The following AGBL1 variants were observed in gnomAD, a reference collection of about 807,000 sequenced individuals.
AGBL1 encodes cytosolic carboxypeptidase 4.
Under a neutral mutation model 118.9 loss-of-function variants are expected in AGBL1, and 130 were observed. The observed-to-expected ratio is 1.09, with a 90% CI of 0.95 to 1.26. The LOEUF (loss-of-function observed/expected upper bound fraction) is 1.26. Among genes scored for constraint, AGBL1 ranks in the 50% most tolerant of loss-of-function variants. AGBL1 has a pLI of 0.00. For missense variants in AGBL1, 1,584 were observed against 1,298.1 expected (o/e 1.22, Z -3.38); for synonymous variants, 555 against 478.9 (o/e 1.16, Z -2.08).
chr15:87,019,188 C>T (rs1478867314), intron 24 of AGBL1, among the ~76,000 whole-genome samples: 2 of 152,040 alleles, frequency 1.3e-5, no homozygotes, highest in Admixed American at 6.6e-5. Flanking sequence ...TTCAACACTC[C>T]ATGGACGTTA....
At position 86,171,568 on chromosome 15, in the gene AGBL1, GAA is replaced by G. The variant is rs556453924; in HGVS notation, c.488+12546_488+12547del. On this transcript the variant is annotated intron_variant, in intron 5 of 22. Coordinates refer to ENST00000614907, the MANE Select transcript of AGBL1 (RefSeq NM_001386094.1). ...TCATCCAAAAGAAGCCAGGAAAAGA[GAA>G]AAAGGTAGTTGAAGGACAGGTGTCA... Among the ~76,000 whole-genome samples, 460 of 152,156 alleles carry G rather than the reference GAA, an allele frequency of 3.0e-3. 2 individuals carry two copies. The highest frequency in any genetic ancestry group is 6.8e-3 in the Middle Eastern group (2 of 294).
chr15:86,960,631 A>G (rs1373406880), intron 23 of AGBL1, among the ~76,000 whole-genome samples: 1 of 152,016 alleles, frequency 6.6e-6, no homozygotes, highest in East Asian at 1.9e-4. Flanking sequence ...ATCCCCCCCA[A>G]AAAGAAAGAA....
chr15:86,554,528 C>T lies in AGBL1; in HGVS notation c.2985C>T (p.Gly995=), dbSNP rs1254026618. The change falls in exon 21 of 23, where the codon GGC becomes GGT. Residue 995 remains glycine (G), a synonymous_variant. Coordinates refer to ENST00000614907, the MANE Select transcript of AGBL1 (RefSeq NM_001386094.1). ...GCAGCTACTGTGGCTGCAACCAGGGCCCTTATCAGGTATGTGAGGCTGCAG... is the reference window on the plus strand; with the variant it reads ...GCAGCTACTGTGGCTGCAACCAGGGTCCTTATCAGGTATGTGAGGCTGCAG... ...MESSYCGCNQ[G]PYQGLQFGTR... 6.5e-7 allele frequency: 1 copy of T among 1,531,102 alleles called. No individual in the cohort carries two copies. The highest frequency in any genetic ancestry group is 8.8e-7 in the Non-Finnish European group (1 of 1,142,004). The allele number at this position is 1,531,102 out of a possible 1,614,324, so 94.8% of individuals were successfully genotyped here.
intron 22 of AGBL1, among the ~76,000 whole-genome samples, chr15:86,745,247 C>A (rs1418063319): frequency 6.6e-6 from 1 of 151,846 alleles, no homozygotes; most frequent in Non-Finnish European, 1.5e-5. Context: ...GGGCATTGTG[C>A]CCAATCTTTC....
chr15:86,766,928 T>G (rs1370407779), intron 22 of AGBL1, among the ~76,000 whole-genome samples: 1 of 151,928 alleles, frequency 6.6e-6, no homozygotes, highest in Non-Finnish European at 1.5e-5. Context: ...AAAATCTGGC[T>G]GGCTGGAATA....
At chr15:86,472,453 C>T (rs1288093545) in intron 18 of AGBL1, among the ~76,000 whole-genome samples, 1 of 152,136 alleles carries the variant, frequency 6.6e-6, no homozygotes, top group Non-Finnish European at 1.5e-5. Context: ...GTGCTCTAGT[C>T]ACAGTGGTAG....
chr15:87,015,577 T>G (rs1481055008), intron 24 of AGBL1, among the ~76,000 whole-genome samples: 6 of 152,170 alleles, frequency 3.9e-5, no homozygotes, highest in Non-Finnish European at 8.8e-5. Flanking sequence ...GAGTTATATA[T>G]ACAACATGAT....
chr15:86,187,027 G>A (rs934500954), intron 5 of AGBL1, among the ~76,000 whole-genome samples: 36 of 152,198 alleles, frequency 2.4e-4, no homozygotes, highest in South Asian at 6.2e-4. Flanking sequence ...TTATACTAAC[G>A]TTATAGCAAA....
At chr15:86,166,232 T>G (rs2077339710) in intron 5 of AGBL1, among the ~76,000 whole-genome samples, 1 of 152,196 alleles carries the variant, frequency 6.6e-6, no homozygotes, top group Non-Finnish European at 1.5e-5. Flanking sequence ...CAACATTCTA[T>G]GTGCCTGTCT....
intron 21 of AGBL1, among the ~76,000 whole-genome samples, chr15:86,599,385 G>C (rs2084460686): frequency 6.6e-6 from 1 of 151,800 alleles, no homozygotes; most frequent in Non-Finnish European, 1.5e-5. Flanking sequence ...CATTGAACAT[G>C]TTAACCATGC....
At chr15:86,674,139 GTGAC>G in intron 21 of AGBL1, 130 bp from the exon 22 acceptor site, 1 of 886,544 alleles carries the variant, frequency 1.1e-6, no homozygotes, top group South Asian at 1.7e-5. Context: ...GTAATGGACA[GTGAC>G]TGACAAATAC....
At chr15:86,461,301 A>G (rs1352702445) in intron 18 of AGBL1, among the ~76,000 whole-genome samples, 1 of 152,158 alleles carries the variant, frequency 6.6e-6, no homozygotes, top group African/African-American at 2.4e-5. Context: ...TGCTTTAGGT[A>G]TAGAATCCAT....
chr15:86,329,885 C>G (rs1416862469), intron 17 of AGBL1, among the ~76,000 whole-genome samples: 1 of 151,020 alleles, frequency 6.6e-6, no homozygotes, highest in Non-Finnish European at 1.5e-5. Flanking sequence ...CTTCTTTGCT[C>G]CATGCCCAGG....
At chr15:86,597,289 T>C (rs2084425600) in intron 21 of AGBL1, among the ~76,000 whole-genome samples, 1 of 152,190 alleles carries the variant, frequency 6.6e-6, no homozygotes, top group Non-Finnish European at 1.5e-5. Context: ...TTAAAAGCTT[T>C]GGAAAAAGTA....
rs1372668312 is a variant in AGBL1, at chr15:86,256,843, C to G, written c.736-10C>G. On this transcript the variant is annotated splice_polypyrimidine_tract_variant and intron_variant, in intron 7 of 22. Coordinates refer to ENST00000614907, the MANE Select transcript of AGBL1 (RefSeq NM_001386094.1). ...ATGTTGGCATCTGATATAATCTTCCCTTTGCTCAGAACTGCCTGGATGACA... is the reference window on the plus strand; with the variant it reads ...ATGTTGGCATCTGATATAATCTTCCGTTTGCTCAGAACTGCCTGGATGACA... 1.2e-6 allele frequency: 2 copies of G among 1,613,520 alleles called. No individual in the cohort carries two copies. Among genetic ancestry groups the G allele is most frequent in the South Asian group, 1.1e-5 (1 of 91,006 alleles).
chr15:86,811,948 A>T (rs1418513781), intron 22 of AGBL1, among the ~76,000 whole-genome samples: 1 of 152,228 alleles, frequency 6.6e-6, no homozygotes, highest in Non-Finnish European at 1.5e-5. Flanking sequence ...CAGTTTCTTC[A>T]ACTCTGAAAA....
intron 18 of AGBL1, among the ~76,000 whole-genome samples, chr15:86,472,907 A>T (rs528403105): frequency 1.3e-5 from 2 of 152,348 alleles, no homozygotes; most frequent in East Asian, 3.9e-4. Flanking sequence ...TGACAGAGCA[A>T]GATTTCCATC....
chr15:86,784,476 T>G (rs2078378562), intron 22 of AGBL1, among the ~76,000 whole-genome samples: 1 of 152,218 alleles, frequency 6.6e-6, no homozygotes, highest in South Asian at 2.1e-4. Flanking sequence ...TCGTTATGAA[T>G]GCAGAGACCC....
At chr15:86,702,835 C>T (rs2086383591) in intron 22 of AGBL1, among the ~76,000 whole-genome samples, 1 of 146,702 alleles carries the variant, frequency 6.8e-6, no homozygotes, top group South Asian at 2.3e-4. Flanking sequence ...TTTCCTTGCC[C>T]AGTCTCCTGG....
Sources: gnomAD v4.1 joint callset for allele counts (sites outside exome capture counted in the v4.1 genomes callset) on GRCh38, gnomAD v4.1.1 for gene constraint, MANE v1.5 for transcripts, NCBI Gene and HGNC (gene_info 2026-07-23, HGNC 2026-07-21) for gene names.